GFOD1: variants seen among roughly 807,000 people sequenced by gnomAD.
The protein encoded by GFOD1 is Gfo/Idh/MocA-like oxidoreductase domain containing 1, also known as glucose-fructose oxidoreductase domain-containing protein 1.
Under a neutral mutation model 25.4 loss-of-function variants are expected in GFOD1, and 9 were observed. The ratio of observed to expected loss-of-function variants is 0.35; its 90% CI spans 0.21 to 0.62. The LOEUF is 0.62. GFOD1 is among the 20% of genes least tolerant of loss of function. The pLI is 0.72. For missense variants in GFOD1, 403 were observed against 556.9 expected (o/e 0.72, Z 2.78); for synonymous variants, 253 against 245.6 (o/e 1.03, Z -0.28).
intron 1 of GFOD1, among the ~76,000 whole-genome samples, chr6:13,480,010 G>A (rs147744727): frequency 4.6e-5 from 7 of 152,250 alleles, no homozygotes; most frequent in East Asian, 3.9e-4. Context: ...TTCCGCTGGC[G>A]TGGCAATGCT....
At chr6:13,439,241 T>TC (rs397768783) in intron 1 of GFOD1, among the ~76,000 whole-genome samples, 1 of 40,890 alleles carries the variant, frequency 2.4e-5, no homozygotes, top group Admixed American at 4.7e-4. Flanking sequence ...CAACTGAAAA[T>TC]TGAAAGAAGA....
At chr6:13,404,112 T>A (rs995085903) in intron 1 of GFOD1, among the ~76,000 whole-genome samples, 1 of 152,240 alleles carries the variant, frequency 6.6e-6, no homozygotes, top group Non-Finnish European at 1.5e-5. Context: ...AAACTTGGAA[T>A]ACATTTCTGT....
intron 1 of GFOD1, among the ~76,000 whole-genome samples, chr6:13,409,922 C>CAAAAAAA (rs757548005): frequency 1.4e-5 from 1 of 72,086 alleles, no homozygotes; most frequent in Non-Finnish European, 3.3e-5. Flanking sequence ...GGCTCCATTT[C>CAAAAAAA]AAAAAAAAAA....
intron 1 of GFOD1, among the ~76,000 whole-genome samples, chr6:13,386,356 A>T (rs1160718568): frequency 6.6e-6 from 1 of 152,104 alleles, no homozygotes; most frequent in East Asian, 1.9e-4. Context: ...ACACCTGTGC[A>T]CTAGATACAC....
Position 13,364,651 on chromosome 6 carries a change from A to G in GFOD1, c.*92T>C. On this transcript the variant is annotated 3_prime_UTR_variant, in exon 2 of 2. Coordinates refer to ENST00000379287, the MANE Select transcript of GFOD1 (RefSeq NM_018988.4). This position sits in a 1 kb window ranked among gnomAD's most constrained non-coding sequence, Gnocchi z 4.1. ...CTGTCCCTCCACCTCCCTGATCCCC[A>G]CATTCCCCATGGTCACCCTCTCCCC... The G allele has an allele frequency of 9.2e-7, 1 of 1,089,872 alleles. No homozygotes were observed. The highest frequency in any genetic ancestry group is 1.3e-6 in the Non-Finnish European group (1 of 755,760). The allele number at this position is 1,089,872 out of a possible 1,614,324, so 67.5% of individuals were successfully genotyped here.
intron 1 of GFOD1, among the ~76,000 whole-genome samples, chr6:13,379,052 C>A (rs1053704647): frequency 1.3e-5 from 2 of 152,214 alleles, no homozygotes; most frequent in African/African-American, 4.8e-5. Context: ...ACATGATTAA[C>A]GTGCTACTGC....
chr6:13,400,121 C>A (rs1785813755), intron 1 of GFOD1, among the ~76,000 whole-genome samples: 1 of 152,040 alleles, frequency 6.6e-6, no homozygotes, highest in Non-Finnish European at 1.5e-5. Flanking sequence ...TAAAGACTTC[C>A]TGGATGGCAA....
chr6:13,389,142 AG>A (rs1397572826), intron 1 of GFOD1, among the ~76,000 whole-genome samples: 1 of 152,258 alleles, frequency 6.6e-6, no homozygotes, highest in Non-Finnish European at 1.5e-5. Context: ...GTGGAGAAAT[AG>A]GAAACTTTTA....
chr6:13,364,483 C>T lies in GFOD1; in HGVS notation c.*260G>A. On this transcript the variant is annotated 3_prime_UTR_variant, in exon 2 of 2. Transcript: ENST00000379287. The surrounding 1 kb of genome is among the most constrained non-coding windows in gnomAD (Gnocchi z 4.1). ...AGAGGCAGCTAAACCAAACCACTCT[C>T]GTGCAAATACCCAGCAGGGATCATC... 2 of 508,414 alleles carry T rather than the reference C, an allele frequency of 3.9e-6. No homozygotes were observed. The highest frequency in any genetic ancestry group is 2.8e-5 in the South Asian group (1 of 35,386). 31.5% of individuals were successfully genotyped at this position (508,414 alleles called of 1,614,324 possible). A position where few individuals can be genotyped will look rare whatever the true frequency, so the allele number is the denominator to read the frequency against.
intron 1 of GFOD1, among the ~76,000 whole-genome samples, chr6:13,466,295 T>G (rs1758378105): frequency 6.6e-6 from 1 of 152,260 alleles, no homozygotes; most frequent in Non-Finnish European, 1.5e-5. Context: ...ATGAGAGAAG[T>G]AAAGTAAACA....
At chr6:13,449,313 T>C (rs1419446936) in intron 1 of GFOD1, among the ~76,000 whole-genome samples, 1 of 152,110 alleles carries the variant, frequency 6.6e-6, no homozygotes. Context: ...AGAACAGCCT[T>C]TGTTGCATTC....
intron 1 of GFOD1, among the ~76,000 whole-genome samples, chr6:13,427,659 A>AT (rs1562215931): frequency 1.3e-5 from 2 of 152,212 alleles, no homozygotes; most frequent in Non-Finnish European, 2.9e-5. Context: ...TCAAAAAAAA[A>AT]GGCTTTGTAA....
chr6:13,417,660 T>C (rs770527255), intron 1 of GFOD1, among the ~76,000 whole-genome samples: 3 of 152,220 alleles, frequency 2.0e-5, no homozygotes, highest in Non-Finnish European at 4.4e-5. Context: ...ACACAGCCTG[T>C]CAGGCACAGA....
chr6:13,366,355 A>G (rs1307314792), intron 1 of GFOD1, among the ~76,000 whole-genome samples: 2 of 151,794 alleles, frequency 1.3e-5, no homozygotes, highest in African/African-American at 4.8e-5. Flanking sequence ...CTTTTTTTTG[A>G]GATGGATTCT....
At chr6:13,469,904 A>G in intron 1 of GFOD1, 1 of 1,292,670 alleles carries the variant, frequency 7.7e-7, no homozygotes, top group Non-Finnish European at 1.0e-6. Flanking sequence ...CATGGTAAGT[A>G]CTCCATAGAA....
At chr6:13,455,307 C>G (rs986949573) in intron 1 of GFOD1, among the ~76,000 whole-genome samples, 2 of 152,176 alleles carry the variant, frequency 1.3e-5, no homozygotes, top group African/African-American at 2.4e-5. Context: ...ACTAAATCAC[C>G]TTGGTAATTC....
At chr6:13,469,843 A>G (rs1014106898) in intron 1 of GFOD1, 1 of 1,166,610 alleles carries the variant, frequency 8.6e-7, no homozygotes, top group Non-Finnish European at 1.2e-6. Flanking sequence ...GAGGTTGGCC[A>G]TGAGACGTAA....
At chr6:13,397,328 A>G (rs919057466) in intron 1 of GFOD1, among the ~76,000 whole-genome samples, 1 of 152,268 alleles carries the variant, frequency 6.6e-6, no homozygotes, top group Non-Finnish European at 1.5e-5. Context: ...ATGAAAACAA[A>G]TATCTACACA....
rs1784947957 is a variant in GFOD1 at position 13,361,617 on chromosome 6, C to A, written c.*3126G>T. 1 of 152,150 alleles carries A rather than the reference C, an allele frequency of 6.6e-6. No homozygotes were observed. Among genetic ancestry groups the A allele is most frequent in the Admixed American group, 6.5e-5 (1 of 15,272 alleles). The allele number at this position is 152,150 out of a possible 1,614,324, so 9.4% of individuals were successfully genotyped here. On this transcript the variant is annotated 3_prime_UTR_variant, in exon 2 of 2. Coordinates refer to ENST00000379287, the MANE Select transcript of GFOD1 (RefSeq NM_018988.4). ...TAGAGATTTCAGCTTCATATAGCTA[C>A]CCCAAATCAAGTCTTTGCATGTGGT... is the stretch of plus-strand genomic sequence containing the variant.
Sources: gnomAD v4.1 joint callset for allele counts (sites outside exome capture counted in the v4.1 genomes callset) on GRCh38, gnomAD v4.1.1 for gene constraint, Gnocchi (gnomAD v3.1) non-coding constraint, MANE v1.5 for transcripts, NCBI Gene and HGNC (gene_info 2026-07-23, HGNC 2026-07-21) for gene names.